The following TERT variants were observed in gnomAD, a reference collection of about 807,000 sequenced individuals.
TERT encodes the protein telomerase catalytic subunit.
Under a neutral mutation model 104.0 loss-of-function variants are expected in TERT, and 42 were observed. That is an observed-to-expected ratio of 0.40 (90% CI 0.32 to 0.52). TERT has a LOEUF of 0.52. TERT is among the 20% of genes least tolerant of loss of function. The pLI, the probability that TERT is intolerant of heterozygous loss-of-function variation, is 0.43. For synonymous variants in TERT, 781 were observed against 725.6 expected (o/e 1.08, Z -1.23); for missense variants, 1,101 against 1,610.3 (o/e 0.68, Z 5.41).
rs2126684630 is a variant in TERT, at chr5:1,293,544, G to A, written c.1342C>T (p.Leu448=). The change falls in exon 2 of 16, where the codon CTG becomes TTG. Residue 448 remains leucine (L), a synonymous_variant. Transcript: ENST00000310581. The part of the protein sequence containing the change: ...PEEEDTDPRR[L]VQLLRQHSSP... ...CTGTGCTGGCGGAGCAGCTGCACCA[G>A]GCGACGGGGGTCTGTGTCCTCCTCC... The A allele has an allele frequency of 6.4e-7, 1 of 1,550,470 alleles. No homozygotes were observed. Among genetic ancestry groups the A allele is most frequent in the South Asian group, 1.2e-5 (1 of 84,488 alleles).
chr5:1,264,270 G>C (rs559450044), intron 11 of TERT, 134 bp downstream of exon 11: 5 of 922,438 alleles, frequency 5.4e-6, no homozygotes, highest in Non-Finnish European at 6.7e-6. Flanking sequence ...TGGGACGAGG[G>C]GCACCCTGTG....
At position 1,293,297 on chromosome 5, in the gene TERT, GCCA is replaced by G; in HGVS notation, c.1573+13_1573+15del. ...AGCTCTGGGGCCTGGGCCCTCGACG[GCCA>G]CCACCTCCTCACCTGGGCTCCTGCG... On this transcript the variant is annotated intron_variant, in intron 2 of 15. Transcript: ENST00000310581. 1.2e-6 allele frequency: 2 copies of G among 1,612,078 alleles called. No homozygotes were observed. Among genetic ancestry groups the G allele is most frequent in the Non-Finnish European group, 1.7e-6 (2 of 1,179,978 alleles).
intron 4 of TERT, 94 bp downstream of exon 4, chr5:1,280,064 G>A: frequency 1.3e-6 from 2 of 1,511,094 alleles, no homozygotes; most frequent in African/African-American, 1.4e-5. Context: ...GTGTCCCGTG[G>A]CCCCTCCTCC....
At position 1,268,449 on chromosome 5, in the gene TERT, A is replaced by G. The variant is rs376988566; in HGVS notation, c.2582+71T>C. 1.7e-6 allele frequency: 2 copies of G among 1,174,242 alleles called. No homozygotes were observed. Among genetic ancestry groups the G allele is most frequent in the Non-Finnish European group, 2.5e-6 (2 of 796,600 alleles). 72.7% of individuals were successfully genotyped at this position (1,174,242 alleles called of 1,614,324 possible). On this transcript the variant is annotated intron_variant, in intron 9 of 15. Transcript: ENST00000310581. This position sits in a 1 kb window ranked among gnomAD's most constrained non-coding sequence, Gnocchi z 5.5. ...AGTCATGGTCTCCAGAGCACCAGGA[A>G]TATTAACACTGAATGCATCAAAAGC... is the stretch of plus-strand genomic sequence containing the variant.
chr5:1,267,223 C>T (rs533479520), intron 9 of TERT, among the ~76,000 whole-genome samples: 30 of 152,346 alleles, frequency 2.0e-4, no homozygotes, highest in African/African-American at 6.7e-4. Flanking sequence ...TCAAAAGATG[C>T]ACAGGAAAAA....
At chr5:1,258,680 T>A in intron 12 of TERT, 21 bp from the exon 13 acceptor site, 1 of 1,555,214 alleles carries the variant, frequency 6.4e-7, no homozygotes, top group Non-Finnish European at 8.7e-7. Flanking sequence ...CAAGAAAGAG[T>A]GAGAAACGGT....
At chr5:1,284,513 T>C (rs13175540) in intron 2 of TERT, among the ~76,000 whole-genome samples, 247 of 57,764 alleles carry the variant, frequency 4.3e-3, no homozygotes, top group Middle Eastern at 0.014. Context: ...GCGACCTCAC[T>C]CCAGACCTGC....
At chr5:1,276,185 A>G (rs528812372) in intron 6 of TERT, among the ~76,000 whole-genome samples, 131 of 147,246 alleles carry the variant, frequency 8.9e-4, no homozygotes, top group African/African-American at 3.2e-3. Flanking sequence ...CCAATCCCAC[A>G]GGTCCCCACC....
intron 13 of TERT, among the ~76,000 whole-genome samples, chr5:1,258,039 G>A (rs990865999): frequency 1.3e-5 from 2 of 152,208 alleles, no homozygotes; most frequent in African/African-American, 2.4e-5. Flanking sequence ...TAAAGTTGTC[G>A]ATTCTTGGCA....
intron 6 of TERT, among the ~76,000 whole-genome samples, chr5:1,277,470 T>C (rs1389831349): frequency 2.6e-5 from 4 of 152,132 alleles, no homozygotes; most frequent in African/African-American, 9.7e-5. Context: ...GCGTTCAGCA[T>C]AGCTGAGGCT....
chr5:1,271,467 G>A (rs1355300706), intron 7 of TERT, among the ~76,000 whole-genome samples: 5 of 152,224 alleles, frequency 3.3e-5, no homozygotes, highest in Admixed American at 2.6e-4. Context: ...GCCCACCGTG[G>A]CCCGGATGGC....
rs565050684 is a variant in TERT at position 1,270,255 on chromosome 5, T to C, written c.2468+864A>G. ...TTAGTGATTACTTATAATGCAATAA[T>C]TAATAGTTATATTTTTAAATAAAAG... On this transcript the variant is annotated intron_variant, in intron 8 of 15. Transcript: ENST00000310581. This position sits in a 1 kb window ranked among gnomAD's most constrained non-coding sequence, Gnocchi z 8.3. Among the ~76,000 whole-genome samples the C allele has an allele frequency of 1.6e-3, 238 of 152,302 alleles. 1 individual carries two copies. Among genetic ancestry groups the C allele is most frequent in the African/African-American group, 5.5e-3 (229 of 41,574 alleles).
intron 2 of TERT, among the ~76,000 whole-genome samples, chr5:1,291,878 C>T (rs897018424): frequency 6.6e-6 from 1 of 152,232 alleles, no homozygotes; most frequent in Non-Finnish European, 1.5e-5. Flanking sequence ...CTCTCCTCAA[C>T]GAAGGAAGCT....
intron 2 of TERT, among the ~76,000 whole-genome samples, chr5:1,291,613 TCA>T (rs1750978186): frequency 7.7e-6 from 1 of 130,684 alleles, no homozygotes; most frequent in Non-Finnish European, 1.7e-5. Context: ...AGTGCCTCAC[TCA>T]CCCTGCACGG....
intron 7 of TERT, 59 bp from the exon 8 acceptor site, chr5:1,271,263 A>G (rs1579563632): frequency 7.8e-7 from 1 of 1,279,388 alleles, no homozygotes; most frequent in East Asian, 2.3e-5. Context: ...GACAGGCAGG[A>G]CCACGTGGCC....
intron 12 of TERT, 111 bp downstream of exon 12, chr5:1,260,363 C>A (rs904708571): frequency 2.0e-6 from 3 of 1,537,730 alleles, no homozygotes; most frequent in African/African-American, 1.4e-5. Flanking sequence ...TGCACTCTTA[C>A]GTGCAGCCAG....
At position 1,269,831 on chromosome 5, in the gene TERT, G is replaced by A. The variant is rs1243133284; in HGVS notation, c.2469-1198C>T. Among the ~76,000 whole-genome samples the A allele has an allele frequency of 1.3e-5, 2 of 152,056 alleles. No individual in the cohort carries two copies. The highest frequency in any genetic ancestry group is 2.9e-5 in the Non-Finnish European group (2 of 68,010). The stretch of plus-strand genomic sequence containing the variant: ...TTTTGGGGCAACAGGTTTTGAAGAC[G>A]TTTTTATTCAGAGGCCAAACTGGAC... On this transcript the variant is annotated intron_variant, in intron 8 of 15. Coordinates refer to ENST00000310581, the MANE Select transcript of TERT (RefSeq NM_198253.3). The surrounding 1 kb of genome is among the most constrained non-coding windows in gnomAD (Gnocchi z 9.0).
rs755728926 is a variant in TERT, at chr5:1,286,145, G to A, written c.1574-3521C>T. On this transcript the variant is annotated intron_variant, in intron 2 of 15. Transcript: ENST00000310581. This position sits in a 1 kb window ranked among gnomAD's most constrained non-coding sequence, Gnocchi z 5.3. ...TCACTGGCTAAGGAACGCTGGCCAC[G>A]TGGTGCTCCAGACACTCACGGGCCA... Among the ~76,000 whole-genome samples the A allele has an allele frequency of 2.0e-5, 3 of 152,132 alleles. No homozygotes were observed. The highest frequency in any genetic ancestry group is 4.4e-5 in the Non-Finnish European group (3 of 68,032).
Position 1,272,096 on chromosome 5 carries a change from C to A in TERT, c.2382+89G>T, listed in dbSNP as rs952953857. On this transcript the variant is annotated intron_variant, in intron 7 of 15. Transcript: ENST00000310581. Reference sequence around the variant, plus strand: ...TCCCCCCACTGCCCCCCAGGGCCAACAGTCTGTCCGGTCATGAGCCCAGTG... The same window carrying A: ...TCCCCCCACTGCCCCCCAGGGCCAAAAGTCTGTCCGGTCATGAGCCCAGTG... 4.9e-5 allele frequency: 55 copies of A among 1,127,762 alleles called. 1 individual carries two copies. In the African/African-American group the frequency reaches 8.2e-4, roughly 17 times the overall value. The allele number at this position is 1,127,762 out of a possible 1,614,324, so 69.9% of individuals were successfully genotyped here. A position where few individuals can be genotyped will look rare whatever the true frequency, so the allele number is the denominator to read the frequency against.
Sources: allele counts gnomAD v4.1 joint callset (sites outside exome capture counted in the v4.1 genomes callset), GRCh38; gene constraint gnomAD v4.1.1; non-coding constraint Gnocchi (gnomAD v3.1); transcripts MANE v1.5; gene names NCBI Gene and HGNC (gene_info 2026-07-23, HGNC 2026-07-21).